Variants in RLIG1 observed in about 807,000 individuals in gnomAD.
RLIG1 encodes RNA ligase 1.
chr12:88,035,670 C>A, the RLIG1 span: 3 of 1,608,026 alleles, frequency 1.9e-6, no homozygotes, highest in South Asian at 1.1e-5. Flanking sequence ...GGGCTCCGTG[C>A]AGCGGAAAAT....
the RLIG1 span, among the ~76,000 whole-genome samples, chr12:88,040,864 G>T: frequency 1.3e-5 from 2 of 152,002 alleles, no homozygotes; most frequent in East Asian, 3.9e-4. Context: ...ATAGCATCTG[G>T]ACACATTCCT....
chr12:88,046,696 T>G, the RLIG1 span: 2 of 1,024,596 alleles, frequency 2.0e-6, no homozygotes, highest in East Asian at 2.5e-5. Context: ...CCAACCAGCC[T>G]TTCTACCTTT....
the RLIG1 span, chr12:88,045,763 C>T: frequency 1.9e-6 from 3 of 1,612,608 alleles, no homozygotes; most frequent in Non-Finnish European, 2.5e-6. Context: ...GAACAAATAT[C>T]AATGGAAACC....
chr12:88,049,310 A>ATTC, the RLIG1 span: 1 of 1,549,160 alleles, frequency 6.5e-7, no homozygotes, highest in Middle Eastern at 1.9e-4. Context: ...CTAAGAGAAT[A>ATTC]TTCTTCTTCA....
the RLIG1 span, chr12:88,043,003 C>A: frequency 4.3e-6 from 3 of 691,822 alleles, no homozygotes; most frequent in Non-Finnish European, 6.6e-6. Flanking sequence ...TACATTATAT[C>A]CTTCTGTGTA....
At chr12:88,044,284 A>G in the RLIG1 span, 1 of 153,056 alleles carries the variant, frequency 6.5e-6, no homozygotes, top group East Asian at 1.9e-4. Flanking sequence ...AAAAACAACA[A>G]AAGAAGAGGG....
At chr12:88,038,658 T>A in the RLIG1 span, among the ~76,000 whole-genome samples, 1 of 152,344 alleles carries the variant, frequency 6.6e-6, no homozygotes, top group East Asian at 1.9e-4. Flanking sequence ...GGGTGAACTT[T>A]CCTTTCAGGC....
the RLIG1 span, chr12:88,049,378 A>C: frequency 6.5e-7 from 1 of 1,546,664 alleles, no homozygotes; most frequent in South Asian, 1.2e-5. Context: ...GAAGGATCAA[A>C]ATTTTCCAGT....
At chr12:88,041,282 T>A in the RLIG1 span, among the ~76,000 whole-genome samples, 1 of 152,332 alleles carries the variant, frequency 6.6e-6, no homozygotes, top group South Asian at 2.1e-4. Flanking sequence ...AGAATTTTAT[T>A]CCTTTTTAAA....
At chr12:88,035,684 G>T in the RLIG1 span, 1 of 1,608,854 alleles carries the variant, frequency 6.2e-7, no homozygotes, top group East Asian at 2.2e-5. Flanking sequence ...GGAAAATGCC[G>T]TGTGTGTTTG....
At chr12:88,036,050 C>T in the RLIG1 span, 3 of 1,424,004 alleles carry the variant, frequency 2.1e-6, no homozygotes, top group Non-Finnish European at 2.8e-6. Context: ...AGGTCAGCAC[C>T]TTTTGGGGAA....
At chr12:88,042,756 T>C in the RLIG1 span, 2 of 999,736 alleles carry the variant, frequency 2.0e-6, no homozygotes, top group Non-Finnish European at 2.8e-6. Context: ...TGACAAACTG[T>C]ATTCTGAAAT....
chr12:88,047,069 C>A, the RLIG1 span: 1 of 1,248,782 alleles, frequency 8.0e-7, no homozygotes, highest in Non-Finnish European at 1.1e-6. Context: ...CAAATGGCAG[C>A]AATTCTTATT....
the RLIG1 span, chr12:88,042,186 A>G: frequency 6.6e-6 from 1 of 152,272 alleles, no homozygotes; most frequent in Admixed American, 6.5e-5. Flanking sequence ...GAACCAGGGA[A>G]TGCAAAATGG....
At chr12:88,045,836 T>G in the RLIG1 span, 4 of 1,416,848 alleles carry the variant, frequency 2.8e-6, no homozygotes, top group African/African-American at 5.7e-5. Context: ...AAAGAGAACT[T>G]TCTAGGTCAA....
the RLIG1 span, chr12:88,035,684 G>A: frequency 1.2e-6 from 2 of 1,608,854 alleles, no homozygotes; most frequent in Middle Eastern, 1.7e-4. Flanking sequence ...GGAAAATGCC[G>A]TGTGTGTTTG....
At chr12:88,036,083 A>G in the RLIG1 span, 61 of 1,367,922 alleles carry the variant, frequency 4.5e-5, no homozygotes, top group Non-Finnish European at 5.7e-5. Flanking sequence ...GGTAATTGCC[A>G]CAGTCCAAGC....
the RLIG1 span, among the ~76,000 whole-genome samples, chr12:88,047,917 T>G: frequency 2.6e-5 from 4 of 152,252 alleles, no homozygotes; most frequent in East Asian, 7.7e-4. Context: ...AGGTAGCTAG[T>G]CTGTACTCAG....
At chr12:88,048,277 C>T in the RLIG1 span, 11 of 1,597,422 alleles carry the variant, frequency 6.9e-6, no homozygotes, top group Non-Finnish European at 9.4e-6. Context: ...ATTCCAGATA[C>T]TTACATGAAT....
Sources: allele counts gnomAD v4.1 joint callset (sites outside exome capture counted in the v4.1 genomes callset), GRCh38; gene constraint gnomAD v4.1.1; transcripts MANE v1.5; gene names NCBI Gene and HGNC (gene_info 2026-07-23, HGNC 2026-07-21).